CDH22: variants seen among roughly 807,000 people sequenced by gnomAD.
CDH22 encodes cadherin-22.
Under a neutral mutation model 58.4 loss-of-function variants are expected in CDH22, and 30 were observed. The observed-to-expected ratio is 0.51, with a 90% CI of 0.38 to 0.70. The LOEUF is 0.70. CDH22 is among the 30% of genes least tolerant of loss of function. The pLI, the probability that CDH22 is intolerant of heterozygous loss-of-function variation, is 0.00. For synonymous variants in CDH22, 513 were observed against 558.2 expected, an observed-to-expected ratio of 0.92 and a Z score of 1.14; for missense variants, 1,014 against 1,233.9, an observed-to-expected ratio of 0.82 and a Z score of 2.67.
intron 1 of CDH22, among the ~76,000 whole-genome samples, chr20:46,273,612 G>A (rs1364723784): frequency 6.6e-6 from 1 of 152,228 alleles, no homozygotes; most frequent in African/African-American, 2.4e-5. Flanking sequence ...AGAGCGCTGT[G>A]CTCAGAGCTC....
At chr20:46,189,587 C>G (rs960802493) in intron 8 of CDH22, among the ~76,000 whole-genome samples, 2 of 152,220 alleles carry the variant, frequency 1.3e-5, no homozygotes, top group Non-Finnish European at 2.9e-5. Context: ...TGGATGCTCA[C>G]TGCAGATGAG....
chr20:46,234,032 T>C (rs530850127), intron 3 of CDH22, among the ~76,000 whole-genome samples: 2 of 152,328 alleles, frequency 1.3e-5, no homozygotes, highest in Non-Finnish European at 2.9e-5. Flanking sequence ...AATGATATCC[T>C]TGGGGAACAC....
intron 1 of CDH22, among the ~76,000 whole-genome samples, chr20:46,261,775 C>T (rs749440571): frequency 1.1e-4 from 16 of 152,096 alleles, no homozygotes; most frequent in Admixed American, 1.0e-3. Context: ...TCAGTGCTCT[C>T]CTTTTGGGCC....
At chr20:46,194,006 C>CAAACA (rs2145663167) in intron 8 of CDH22, among the ~76,000 whole-genome samples, 1 of 152,176 alleles carries the variant, frequency 6.6e-6, no homozygotes, top group South Asian at 2.1e-4. Flanking sequence ...AACAAACAAA[C>CAAACA]AAACAAAAAC....
chr20:46,234,044 CT>C (rs1277318789), intron 3 of CDH22, among the ~76,000 whole-genome samples: 2 of 152,220 alleles, frequency 1.3e-5, no homozygotes, highest in Non-Finnish European at 2.9e-5. Flanking sequence ...GGGGAACACA[CT>C]CCTTCCTGCC....
chr20:46,217,463 C>T (rs1568662117), intron 4 of CDH22, among the ~76,000 whole-genome samples: 1 of 152,132 alleles, frequency 6.6e-6, no homozygotes, highest in Non-Finnish European at 1.5e-5. Flanking sequence ...TACATTCACA[C>T]ACACAGAAAC....
chr20:46,307,554 C>T (rs1339827802), intron 1 of CDH22, among the ~76,000 whole-genome samples: 3 of 152,164 alleles, frequency 2.0e-5, no homozygotes, highest in African/African-American at 4.8e-5. Context: ...GCAGCGCTGG[C>T]TCTCGCTCAC....
At chr20:46,184,209 C>T (rs2085809108) in intron 10 of CDH22, among the ~76,000 whole-genome samples, 1 of 152,002 alleles carries the variant, frequency 6.6e-6, no homozygotes, top group Non-Finnish European at 1.5e-5. Flanking sequence ...AGCAATTCTC[C>T]TGCCTCAGCC....
intron 1 of CDH22, among the ~76,000 whole-genome samples, chr20:46,278,822 A>C (rs1453701820): frequency 6.6e-6 from 1 of 152,216 alleles, no homozygotes; most frequent in Non-Finnish European, 1.5e-5. Context: ...TCCTAGCCTC[A>C]AGCAATCCTC....
At chr20:46,191,477 C>A (rs1439124479) in intron 8 of CDH22, among the ~76,000 whole-genome samples, 1 of 152,150 alleles carries the variant, frequency 6.6e-6, no homozygotes, top group African/African-American at 2.4e-5. Flanking sequence ...TGGCCTGGTG[C>A]CCCTGTTAGG....
chr20:46,292,522 G>A (rs976017650), intron 1 of CDH22, among the ~76,000 whole-genome samples: 10 of 152,250 alleles, frequency 6.6e-5, no homozygotes, highest in South Asian at 6.2e-4. Flanking sequence ...AATCGCAAAC[G>A]CCCAACTAAC....
intron 1 of CDH22, among the ~76,000 whole-genome samples, chr20:46,293,314 G>A (rs2086613435): frequency 6.6e-6 from 1 of 152,164 alleles, no homozygotes; most frequent in Non-Finnish European, 1.5e-5. Flanking sequence ...TGAAGCTGCC[G>A]CTACAGGGAG....
chr20:46,256,241 G>A (rs1438053487), intron 1 of CDH22, among the ~76,000 whole-genome samples: 3 of 152,192 alleles, frequency 2.0e-5, no homozygotes, highest in African/African-American at 4.8e-5. Flanking sequence ...AACAAATAAC[G>A]TGTCAGACAA....
intron 7 of CDH22, among the ~76,000 whole-genome samples, chr20:46,202,355 ATTTT>A (rs3082933): frequency 1.4e-5 from 2 of 141,784 alleles, no homozygotes; most frequent in South Asian, 4.4e-4. Context: ...CCAGAGTTTA[ATTTT>A]TTTTTTTTTT....
At chr20:46,193,798 T>C (rs1399717294) in intron 8 of CDH22, among the ~76,000 whole-genome samples, 1 of 152,056 alleles carries the variant, frequency 6.6e-6, no homozygotes, top group Non-Finnish European at 1.5e-5. Context: ...CCTTTCTGCC[T>C]GGAACACCTG....
intron 2 of CDH22, among the ~76,000 whole-genome samples, chr20:46,244,937 G>C (rs2086317702): frequency 6.6e-6 from 1 of 152,220 alleles, no homozygotes; most frequent in Admixed American, 6.5e-5. Context: ...CTCTGTACCA[G>C]CTTCAGCTTT....
chr20:46,279,240 C>T (rs1800585123), intron 1 of CDH22, among the ~76,000 whole-genome samples: 1 of 152,162 alleles, frequency 6.6e-6, no homozygotes, highest in Admixed American at 6.5e-5. Context: ...TAAGCCCCAC[C>T]CTGGTCCATT....
At chr20:46,295,930 T>C (rs1312101784) in intron 1 of CDH22, among the ~76,000 whole-genome samples, 2 of 152,212 alleles carry the variant, frequency 1.3e-5, no homozygotes, top group African/African-American at 4.8e-5. Flanking sequence ...TCTTGGCTAA[T>C]TTTTTAATTT....
intron 7 of CDH22, 125 bp from the exon 8 acceptor site, chr20:46,199,684 A>C: frequency 8.6e-7 from 1 of 1,163,988 alleles, no homozygotes; most frequent in Non-Finnish European, 1.2e-6. Flanking sequence ...GGGCAGAGAA[A>C]CCCCTTGCGA....
Sources: gnomAD v4.1 joint callset for allele counts (sites outside exome capture counted in the v4.1 genomes callset) on GRCh38, gnomAD v4.1.1 for gene constraint, MANE v1.5 for transcripts, NCBI Gene and HGNC (gene_info 2026-07-23, HGNC 2026-07-21) for gene names.